Variants in RORA observed in about 807,000 individuals in gnomAD.
RORA encodes RAR related orphan receptor A, also known as nuclear receptor ROR-alpha.
RORA carries 7 observed loss-of-function variants against 69.5 expected under a neutral mutation model. That is an observed-to-expected ratio of 0.10 (90% CI 0.06 to 0.19). The LOEUF is 0.19. RORA is among the 10% of genes least tolerant of loss of function. The probability of loss-of-function intolerance (pLI) is 1.00; values close to 1 mark genes in which losing one functional copy is unlikely to be tolerated. For synonymous variants in RORA, 261 were observed against 240.8 expected, an observed-to-expected ratio of 1.08 and a Z score of -0.78; for missense variants, 457 against 663.0, an observed-to-expected ratio of 0.69 and a Z score of 3.41.
chr15:60,544,391 A>C (rs2067001317), intron 2 of RORA, among the ~76,000 whole-genome samples: 1 of 146,928 alleles, frequency 6.8e-6, no homozygotes, highest in African/African-American at 2.4e-5. Flanking sequence ...AATACAATGA[A>C]CTGTTCTCTT....
At chr15:60,950,156 T>G (rs963507473) in intron 1 of RORA, among the ~76,000 whole-genome samples, 5 of 151,676 alleles carry the variant, frequency 3.3e-5, no homozygotes, top group African/African-American at 1.2e-4. Flanking sequence ...AGACAAGAAT[T>G]TACAACCCAG....
At chr15:61,016,211 T>A (rs1368431506) in intron 1 of RORA, among the ~76,000 whole-genome samples, 2 of 152,196 alleles carry the variant, frequency 1.3e-5, no homozygotes, top group Non-Finnish European at 2.9e-5. Flanking sequence ...ATAATGGCAC[T>A]CTGCTTCATA....
At chr15:61,066,418 CTTTTTTT>C (rs1168663714) in intron 1 of RORA, among the ~76,000 whole-genome samples, 2,464 of 80,958 alleles carry the variant, frequency 0.03, 49 homozygotes, top group Middle Eastern at 0.07. Context: ...GGGCATATTC[CTTTTTTT>C]TTTTTTTTTT....
chr15:60,888,623 A>G (rs117415069), intron 1 of RORA, among the ~76,000 whole-genome samples: 445 of 152,328 alleles, frequency 2.9e-3, no homozygotes, highest in Non-Finnish European at 4.9e-3. Flanking sequence ...CCCGCCCTAC[A>G]CATGGCATTT....
At chr15:61,067,427 T>C (rs2078279235) in intron 1 of RORA, among the ~76,000 whole-genome samples, 2 of 152,156 alleles carry the variant, frequency 1.3e-5, no homozygotes, top group Admixed American at 1.3e-4. Flanking sequence ...TCTCATTAAT[T>C]TTCAACTTGT....
chr15:60,991,802 T>C (rs1483966836), intron 1 of RORA, among the ~76,000 whole-genome samples: 3 of 151,592 alleles, frequency 2.0e-5, no homozygotes, highest in African/African-American at 7.3e-5. Flanking sequence ...ACTCAGGAGG[T>C]TGATGAGGAG....
At chr15:60,503,482 C>T (rs533047204) in intron 7 of RORA, 53 bp downstream of exon 7, 61 of 1,578,318 alleles carry the variant, frequency 3.9e-5, no homozygotes, top group Admixed American at 1.0e-4. Context: ...CTTTAATAAG[C>T]GGGTGAAAGC....
At chr15:61,084,686 A>G (rs1416769092) in intron 1 of RORA, among the ~76,000 whole-genome samples, 1 of 152,244 alleles carries the variant, frequency 6.6e-6, no homozygotes, top group Non-Finnish European at 1.5e-5. Flanking sequence ...TCTGAAACAG[A>G]GCAATGCACA....
At chr15:60,927,776 A>G (rs1382644640) in intron 1 of RORA, among the ~76,000 whole-genome samples, 1 of 152,022 alleles carries the variant, frequency 6.6e-6, no homozygotes, top group Non-Finnish European at 1.5e-5. Context: ...TCTGTCTCAA[A>G]ACAAACAAAC....
chr15:60,908,772 C>A (rs1401398811), intron 1 of RORA, among the ~76,000 whole-genome samples: 1 of 152,148 alleles, frequency 6.6e-6, no homozygotes, highest in Non-Finnish European at 1.5e-5. Context: ...GTGGTTCTGC[C>A]AACTGAACAT....
chr15:61,015,621 C>T (rs1895254617), intron 1 of RORA, among the ~76,000 whole-genome samples: 1 of 152,118 alleles, frequency 6.6e-6, no homozygotes, highest in Non-Finnish European at 1.5e-5. Flanking sequence ...CTGTTCACCA[C>T]CACAATGCCA....
chr15:61,029,006 T>C (rs1371292646), intron 1 of RORA, among the ~76,000 whole-genome samples: 1 of 151,958 alleles, frequency 6.6e-6, no homozygotes, highest in Non-Finnish European at 1.5e-5. Context: ...AGGTTTCTTT[T>C]TGGGGTGATG....
rs117147224 is a variant in RORA at position 60,717,859 on chromosome 15, A to T, written c.167-39173T>A. Among the ~76,000 whole-genome samples, 907 of 141,292 alleles carry T rather than the reference A, an allele frequency of 6.4e-3. 3 individuals carry two copies. The highest frequency in any genetic ancestry group is 0.025 in the Admixed American group (342 of 13,650). 92.7% of individuals were successfully genotyped at this position (141,292 alleles called of 152,430 possible). On this transcript the variant is annotated intron_variant, in intron 1 of 10. Coordinates refer to ENST00000335670, the MANE Select transcript of RORA (RefSeq NM_134261.3). ...CTGTCACCCAGGCTGGAATGCAAAG[A>T]TGTGAACTCTGCTCACTGCAACCTC...
At chr15:60,618,408 C>T (rs1202860261) in intron 2 of RORA, among the ~76,000 whole-genome samples, 1 of 152,176 alleles carries the variant, frequency 6.6e-6, no homozygotes, top group Non-Finnish European at 1.5e-5. Flanking sequence ...TCTTGAAGCC[C>T]GTCCTTTGTG....
At chr15:61,118,701 T>G (rs368550306) in intron 1 of RORA, among the ~76,000 whole-genome samples, 2 of 152,002 alleles carry the variant, frequency 1.3e-5, no homozygotes, top group East Asian at 1.9e-4. Flanking sequence ...GCGTTTTCCT[T>G]CTGTGACACT....
chr15:60,497,695 T>C (rs888826692), intron 10 of RORA, 76 bp from the exon 11 acceptor site: 65 of 1,175,096 alleles, frequency 5.5e-5, no homozygotes, highest in Non-Finnish European at 7.8e-5. Context: ...CTGAATGATC[T>C]TTATGACATT....
chr15:60,715,703 T>C (rs1382686637), intron 1 of RORA, among the ~76,000 whole-genome samples: 1 of 152,222 alleles, frequency 6.6e-6, no homozygotes, highest in Non-Finnish European at 1.5e-5. Flanking sequence ...AAGAAAGTCA[T>C]GAGCTAGCTT....
At chr15:61,024,451 G>GTTT (rs34652090) in intron 1 of RORA, among the ~76,000 whole-genome samples, 158 of 134,770 alleles carry the variant, frequency 1.2e-3, no homozygotes, top group African/African-American at 1.9e-3. Flanking sequence ...GCCCGGTAAT[G>GTTT]TTTTTTTTTT....
rs931889359 is a variant in RORA, at chr15:60,496,497, A to G, written c.*958T>C. 5.9e-5 allele frequency: 9 copies of G among 152,164 alleles called. No homozygotes were observed. The highest frequency in any genetic ancestry group is 2.2e-4 in the African/African-American group (9 of 41,432). 9.4% of individuals were successfully genotyped at this position (152,164 alleles called of 1,614,324 possible). Reference sequence around the variant, plus strand: ...ATGATGGTATATGTCCACCACGCCAATCAATCATTCAACTTTGTATGAAGC... The same window carrying G: ...ATGATGGTATATGTCCACCACGCCAGTCAATCATTCAACTTTGTATGAAGC... On this transcript the variant is annotated 3_prime_UTR_variant, in exon 11 of 11. Coordinates refer to ENST00000335670, the MANE Select transcript of RORA (RefSeq NM_134261.3). This position sits in a 1 kb window ranked among gnomAD's most constrained non-coding sequence, Gnocchi z 4.5.
Sources: gnomAD v4.1 joint callset for allele counts (sites outside exome capture counted in the v4.1 genomes callset) on GRCh38, gnomAD v4.1.1 for gene constraint, Gnocchi (gnomAD v3.1) non-coding constraint, MANE v1.5 for transcripts, NCBI Gene and HGNC (gene_info 2026-07-23, HGNC 2026-07-21) for gene names.